FMNL2: variants seen among roughly 807,000 people sequenced by gnomAD.
The protein encoded by FMNL2 is formin-like protein 2.
Under a neutral mutation model 130.2 loss-of-function variants are expected in FMNL2, and 51 were observed. That is an observed-to-expected ratio of 0.39 (90% CI 0.31 to 0.49). The LOEUF is 0.49. Ranked by LOEUF, FMNL2 falls within the 20% of genes least tolerant of loss-of-function variation. FMNL2 has a pLI of 0.85. For missense variants in FMNL2, 977 were observed against 1,316.2 expected, an observed-to-expected ratio of 0.74 and a Z score of 3.99; for synonymous variants, 465 against 467.1, an observed-to-expected ratio of 1.00 and a Z score of 0.06.
chr2:152,541,120 A>G (rs1480836615), intron 2 of FMNL2, among the ~76,000 whole-genome samples: 3 of 152,098 alleles, frequency 2.0e-5, no homozygotes, highest in Admixed American at 6.6e-5. Flanking sequence ...GTAGAAAAGA[A>G]CATGATAAAG....
At chr2:152,525,295 C>T (rs577811514) in intron 2 of FMNL2, among the ~76,000 whole-genome samples, 12 of 152,200 alleles carry the variant, frequency 7.9e-5, no homozygotes, top group Admixed American at 2.6e-4. Context: ...GGATTCATAA[C>T]TGTGCCCCTG....
intron 1 of FMNL2, among the ~76,000 whole-genome samples, chr2:152,443,861 A>G (rs577683933): frequency 3.2e-4 from 48 of 152,108 alleles, no homozygotes; most frequent in Non-Finnish European, 5.9e-4. Context: ...AAAAAAGAAA[A>G]AAAAGGAGAG....
intron 1 of FMNL2, among the ~76,000 whole-genome samples, chr2:152,344,256 A>G (rs1464896763): frequency 6.6e-6 from 1 of 152,192 alleles, no homozygotes; most frequent in Non-Finnish European, 1.5e-5. Flanking sequence ...AGGATTTTTA[A>G]AAGCTCCCTA....
intron 1 of FMNL2, among the ~76,000 whole-genome samples, chr2:152,399,005 G>C (rs1226285016): frequency 1.3e-5 from 2 of 152,206 alleles, no homozygotes; most frequent in East Asian, 3.8e-4. Flanking sequence ...AAAGAGAGAA[G>C]AATGTGGTGG....
rs746883452 is a variant in FMNL2 at position 152,626,579 on chromosome 2, G to A, written c.2017G>A (p.Ala673Thr). 1 of 1,612,320 alleles carries A rather than the reference G, an allele frequency of 6.2e-7. No homozygotes were observed. The highest frequency in any genetic ancestry group is 2.2e-5 in the East Asian group (1 of 44,844). The change falls in exon 17 of 26, where the codon GCC becomes ACC. Residue 673 changes from alanine to threonine, a missense_variant. Ala to Thr is a moderately conservative substitution (Grantham distance 58). Transcript: ENST00000288670. ...ATTCAAGACAAAAGCCCAAGGACCT[G>A]CCATTGATCTTTCTTCAAGCAAACA... ...EIFKTKAQGP[A>T]IDLSSSKQKI...
chr2:152,464,598 T>A (rs1053649652), intron 1 of FMNL2, among the ~76,000 whole-genome samples: 15 of 152,334 alleles, frequency 9.8e-5, no homozygotes, highest in Non-Finnish European at 2.2e-4. Flanking sequence ...TCCATTTCAC[T>A]GTCCTTGCCC....
At chr2:152,496,913 T>C (rs1253408681) in intron 1 of FMNL2, among the ~76,000 whole-genome samples, 1 of 152,168 alleles carries the variant, frequency 6.6e-6, no homozygotes, top group Non-Finnish European at 1.5e-5. Flanking sequence ...GGATTTTTTT[T>C]TTTCTTTTCC....
intron 1 of FMNL2, 38 bp from the exon 2 acceptor site, chr2:152,521,905 A>G: frequency 6.5e-7 from 1 of 1,529,298 alleles, no homozygotes; most frequent in Non-Finnish European, 9.1e-7. Context: ...CCTGCTGTGG[A>G]ATGTGACATC....
At chr2:152,397,393 A>G (rs1266682223) in intron 1 of FMNL2, among the ~76,000 whole-genome samples, 1 of 152,204 alleles carries the variant, frequency 6.6e-6, no homozygotes. Context: ...AGGGGGAAAA[A>G]AAAAAATGAG....
At chr2:152,587,270 C>G (rs1328598020) in intron 9 of FMNL2, among the ~76,000 whole-genome samples, 2 of 152,154 alleles carry the variant, frequency 1.3e-5, no homozygotes, top group Admixed American at 6.5e-5. Context: ...AGGCCCTGAG[C>G]CCAACCCGGA....
chr2:152,411,061 T>C (rs1332616361), intron 1 of FMNL2, among the ~76,000 whole-genome samples: 1 of 152,182 alleles, frequency 6.6e-6, no homozygotes, highest in Admixed American at 6.5e-5. Flanking sequence ...AACATCCTCC[T>C]TTCCCTCCTT....
In FMNL2 at chr2:152,648,950, T is replaced by C. The variant is rs1158248501; in HGVS notation, c.*1045T>C. ...GGTATTAAGCTTAAATAATACGTAA[T>C]GGGACTAGATGGCCCACTAAGCCAC... On this transcript the variant is annotated 3_prime_UTR_variant, in exon 26 of 26. Coordinates refer to ENST00000288670, the MANE Select transcript of FMNL2 (RefSeq NM_052905.4). The C allele has an allele frequency of 2.0e-5, 3 of 152,620 alleles. No individual in the cohort carries two copies. The highest frequency in any genetic ancestry group is 4.8e-5 in the African/African-American group (2 of 41,458). 9.5% of individuals were successfully genotyped at this position (152,620 alleles called of 1,614,324 possible).
chr2:152,638,071 G>T (rs1350726071), intron 23 of FMNL2, among the ~76,000 whole-genome samples: 2 of 152,200 alleles, frequency 1.3e-5, no homozygotes, highest in Admixed American at 6.5e-5. Flanking sequence ...GTTAAGGAGA[G>T]CCTGCTTGTG....
intron 6 of FMNL2, among the ~76,000 whole-genome samples, chr2:152,565,326 G>A (rs111998386): frequency 2.0e-4 from 30 of 152,298 alleles, no homozygotes; most frequent in African/African-American, 6.5e-4. Flanking sequence ...GGTCCTCAGG[G>A]TAAGGAAAGG....
chr2:152,601,671 C>CTTTTTTT (rs34914295), intron 9 of FMNL2, among the ~76,000 whole-genome samples: 3 of 103,462 alleles, frequency 2.9e-5, no homozygotes, highest in African/African-American at 3.4e-5. Context: ...TCTTTTCTTT[C>CTTTTTTT]TTTTTTTTTT....
At chr2:152,421,278 C>T (rs771281137) in intron 1 of FMNL2, among the ~76,000 whole-genome samples, 13 of 152,078 alleles carry the variant, frequency 8.5e-5, no homozygotes, top group African/African-American at 2.2e-4. Context: ...ATCCCAAAGC[C>T]GGTAATGTGA....
chr2:152,474,397 A>C (rs1210004966), intron 1 of FMNL2, among the ~76,000 whole-genome samples: 18 of 152,190 alleles, frequency 1.2e-4, no homozygotes, highest in Admixed American at 1.1e-3. Context: ...ATTAAGATGC[A>C]GTCAGAGCTG....
chr2:152,508,994 C>G (rs1692337180), intron 1 of FMNL2, among the ~76,000 whole-genome samples: 1 of 152,220 alleles, frequency 6.6e-6, no homozygotes, highest in African/African-American at 2.4e-5. Context: ...TGCGCCCACC[C>G]TGGAAAATGC....
chr2:152,335,640 G>A lies in FMNL2; in HGVS notation c.37G>A (p.Asp13Asn). 6.3e-7 allele frequency: 1 copy of A among 1,593,514 alleles called. No homozygotes were observed. The highest frequency in any genetic ancestry group is 8.5e-7 in the Non-Finnish European group (1 of 1,169,914). Reference protein sequence around the residue: ...NAGSMDSQQTDFRAHNVPLKL... With the variant: ...NAGSMDSQQTNFRAHNVPLKL... ...AGGGAGCATGGATTCGCAGCAGACC[G>A]ATTTCAGGGCGCACAACGTGCCTTT... Residue 13 changes from aspartate (D) to asparagine (N), a missense_variant, in exon 1 of 26, where the codon GAT becomes AAT. By Grantham distance (23) the Asp-to-Asn change is conservative (BLOSUM62 1). This residue lies in a region of FMNL2 where 117 missense variants were observed against 134.9 expected (regional missense o/e 0.87). Coordinates refer to ENST00000288670, the MANE Select transcript of FMNL2 (RefSeq NM_052905.4).
Sources: allele counts gnomAD v4.1 joint callset (sites outside exome capture counted in the v4.1 genomes callset), GRCh38; gene constraint gnomAD v4.1.1; regional missense constraint gnomAD v4.1.1; transcripts MANE v1.5; gene names NCBI Gene and HGNC (gene_info 2026-07-23, HGNC 2026-07-21).